Variants in NEK11 observed in about 807,000 individuals in gnomAD.
The protein encoded by NEK11 is serine/threonine-protein kinase Nek11.
In NEK11, 72 loss-of-function variants were observed where a neutral mutation model predicts 80.7. The observed-to-expected ratio is 0.89, with a 90% CI of 0.74 to 1.08. The LOEUF (loss-of-function observed/expected upper bound fraction) is 1.08, where lower values mean the gene tolerates loss of function less well. Ranked by LOEUF, NEK11 falls within the 50% of genes least tolerant of loss-of-function variation. The pLI is 0.00. For synonymous variants in NEK11, 251 were observed against 260.7 expected (o/e 0.96, Z 0.36); for missense variants, 764 against 763.6 (o/e 1.00, Z -0.01).
intron 14 of NEK11, among the ~76,000 whole-genome samples, chr3:131,180,581 A>G (rs1421893223): frequency 1.3e-5 from 2 of 152,220 alleles, no homozygotes; most frequent in South Asian, 2.1e-4. Context: ...GGAATGAGCT[A>G]TAAATCCCTT....
chr3:131,063,939 A>G (rs1003189501), intron 3 of NEK11, among the ~76,000 whole-genome samples: 7 of 152,228 alleles, frequency 4.6e-5, no homozygotes, highest in Admixed American at 2.6e-4. Context: ...GTGTCCATCA[A>G]CTGATAAATG....
chr3:131,117,347 G>A (rs552784206), intron 5 of NEK11, among the ~76,000 whole-genome samples: 2 of 152,292 alleles, frequency 1.3e-5, no homozygotes, highest in South Asian at 4.1e-4. Flanking sequence ...CTCTGTTTTG[G>A]TGGCAGTACC....
chr3:131,332,392 C>T (rs1277702285), intron 17 of NEK11, among the ~76,000 whole-genome samples: 384 of 144,896 alleles, frequency 2.7e-3, no homozygotes, highest in East Asian at 8.4e-3. Flanking sequence ...TCCAACAGAC[C>T]TGCAGCTGAG....
intron 6 of NEK11, chr3:131,133,185 A>G (rs558502703): frequency 1.6e-5 from 7 of 440,016 alleles, no homozygotes; most frequent in Non-Finnish European, 3.1e-5. Context: ...TTATTTCATC[A>G]CAAGCAATAA....
intron 14 of NEK11, among the ~76,000 whole-genome samples, chr3:131,215,257 A>G (rs1483017577): frequency 8.4e-6 from 1 of 119,300 alleles, no homozygotes; most frequent in Non-Finnish European, 1.6e-5. Flanking sequence ...GGAACATCAC[A>G]CACCGGGGCC....
intron 4 of NEK11, among the ~76,000 whole-genome samples, chr3:131,108,851 A>G (rs1223382274): frequency 6.6e-6 from 1 of 152,044 alleles, no homozygotes; most frequent in South Asian, 2.1e-4. Flanking sequence ...AGTCATCCCA[A>G]TGCGCATGGT....
At chr3:131,110,825 A>G (rs558862493) in intron 5 of NEK11, among the ~76,000 whole-genome samples, 8 of 152,306 alleles carry the variant, frequency 5.3e-5, no homozygotes, top group African/African-American at 1.9e-4. Flanking sequence ...ATTATTCTGT[A>G]ATTCGCCATG....
intron 15 of NEK11, among the ~76,000 whole-genome samples, chr3:131,236,566 A>C (rs1327837101): frequency 6.6e-6 from 1 of 152,222 alleles, no homozygotes; most frequent in African/African-American, 2.4e-5. Flanking sequence ...ACAAGGCATT[A>C]GCAGTGAAAT....
intron 3 of NEK11, among the ~76,000 whole-genome samples, chr3:131,052,134 G>T (rs372799777): frequency 9.5e-4 from 120 of 126,932 alleles, no homozygotes; most frequent in South Asian, 2.0e-3. Flanking sequence ...GGTTTTTTTT[G>T]TTTTTTTTTT....
At chr3:131,060,439 T>C (rs1266631262) in intron 3 of NEK11, among the ~76,000 whole-genome samples, 2 of 152,224 alleles carry the variant, frequency 1.3e-5, no homozygotes, top group Non-Finnish European at 2.9e-5. Flanking sequence ...GGCAAAACAT[T>C]CTCTGGATTG....
chr3:131,226,733 A>G (rs1580506995), intron 14 of NEK11, among the ~76,000 whole-genome samples: 1 of 152,116 alleles, frequency 6.6e-6, no homozygotes, highest in Non-Finnish European at 1.5e-5. Flanking sequence ...GGTACAGTGT[A>G]TACTACTCGG....
intron 3 of NEK11, among the ~76,000 whole-genome samples, chr3:131,071,809 A>G (rs891301560): frequency 2.0e-5 from 3 of 152,282 alleles, no homozygotes. Context: ...GCTCAAATAG[A>G]AAAGAGCCAA....
chr3:131,086,524 A>G (rs775174992), intron 4 of NEK11, among the ~76,000 whole-genome samples: 7 of 152,190 alleles, frequency 4.6e-5, no homozygotes, highest in African/African-American at 1.7e-4. Flanking sequence ...TTTGTTGCTC[A>G]AATTGTTCCA....
intron 5 of NEK11, among the ~76,000 whole-genome samples, chr3:131,123,611 C>A (rs1160141318): frequency 1.3e-5 from 2 of 152,214 alleles, no homozygotes; most frequent in East Asian, 3.9e-4. Flanking sequence ...AAAGTATCTA[C>A]TGATGAGTTA....
intron 3 of NEK11, among the ~76,000 whole-genome samples, chr3:131,060,327 G>C (rs977147190): frequency 2.0e-5 from 3 of 152,226 alleles, no homozygotes; most frequent in Non-Finnish European, 4.4e-5. Flanking sequence ...CATTTTTAGT[G>C]AGAGAAAATA....
intron 14 of NEK11, chr3:131,174,683 T>C: frequency 7.1e-7 from 1 of 1,403,910 alleles, no homozygotes. Flanking sequence ...ACTTCTTATA[T>C]GTAATGCTAA....
intron 5 of NEK11, 28 bp from the exon 6 acceptor site, chr3:131,132,717 A>C (rs1190386836): frequency 1.6e-6 from 2 of 1,234,134 alleles, no homozygotes; most frequent in Admixed American, 2.1e-5. Flanking sequence ...TTCTGCATGA[A>C]GTTGTATATC....
intron 3 of NEK11, among the ~76,000 whole-genome samples, chr3:131,075,507 T>C (rs1431787139): frequency 6.6e-6 from 1 of 152,162 alleles, no homozygotes; most frequent in Non-Finnish European, 1.5e-5. Flanking sequence ...AATATTACTC[T>C]CTGCCATTAT....
chr3:131,207,131 G>A (rs576284817), intron 14 of NEK11, among the ~76,000 whole-genome samples: 18 of 152,172 alleles, frequency 1.2e-4, no homozygotes, highest in Non-Finnish European at 2.1e-4. Context: ...AAACATATGC[G>A]CACATGTGTC....
Sources: gnomAD v4.1 joint callset for allele counts (sites outside exome capture counted in the v4.1 genomes callset) on GRCh38, gnomAD v4.1.1 for gene constraint, MANE v1.5 for transcripts, NCBI Gene and HGNC (gene_info 2026-07-23, HGNC 2026-07-21) for gene names.